Variants in ROBO1 observed in about 807,000 individuals in gnomAD.
ROBO1 encodes roundabout guidance receptor 1.
ROBO1 carries 149 observed loss-of-function variants against 195.9 expected under a neutral mutation model. The ratio of observed to expected loss-of-function variants is 0.76; its 90% confidence interval spans 0.67 to 0.87. The LOEUF (loss-of-function observed/expected upper bound fraction) is 0.87, where lower values mean the gene tolerates loss of function less well. ROBO1 is among the 40% of genes least tolerant of loss of function. The pLI, the probability that ROBO1 is intolerant of heterozygous loss-of-function variation, is 0.00. For missense variants in ROBO1, 1,933 were observed against 2,068.3 expected (o/e 0.93, Z 1.27); for synonymous variants, 816 against 733.2 (o/e 1.11, Z -1.82).
intron 2 of ROBO1, among the ~76,000 whole-genome samples, chr3:79,495,019 A>G (rs1458380046): frequency 7.1e-6 from 1 of 141,608 alleles, no homozygotes; most frequent in Non-Finnish European, 1.6e-5. Flanking sequence ...ATTGACAGAT[A>G]GGTAGATAGA....
chr3:79,434,895 G>A (rs2038826521), intron 2 of ROBO1, among the ~76,000 whole-genome samples: 1 of 152,114 alleles, frequency 6.6e-6, no homozygotes, highest in Non-Finnish European at 1.5e-5. Flanking sequence ...AAAAAATGAT[G>A]AGTTCATATC....
At chr3:79,655,643 C>T (rs1021310533) in intron 1 of ROBO1, among the ~76,000 whole-genome samples, 2 of 151,954 alleles carry the variant, frequency 1.3e-5, no homozygotes, top group East Asian at 3.9e-4. Context: ...CTTTCATTGC[C>T]ATTAATTAAT....
chr3:78,919,814 G>A (rs2038837083), intron 4 of ROBO1, among the ~76,000 whole-genome samples: 1 of 152,178 alleles, frequency 6.6e-6, no homozygotes, highest in African/African-American at 2.4e-5. Flanking sequence ...CCTCCTTTTA[G>A]CCCATCTCAA....
chr3:78,742,841 C>A (rs2082565197), intron 5 of ROBO1, among the ~76,000 whole-genome samples: 2 of 152,150 alleles, frequency 1.3e-5, no homozygotes, highest in South Asian at 4.1e-4. Context: ...TGACTAGAAG[C>A]TACTGATGGC....
At chr3:79,405,731 T>G (rs1268628985) in intron 2 of ROBO1, among the ~76,000 whole-genome samples, 5 of 152,222 alleles carry the variant, frequency 3.3e-5, no homozygotes, top group Non-Finnish European at 7.3e-5. Flanking sequence ...TATACTATTT[T>G]AACTTAGTGG....
chr3:78,992,772 T>C (rs1036792393), intron 3 of ROBO1, among the ~76,000 whole-genome samples: 6 of 152,122 alleles, frequency 3.9e-5, no homozygotes, highest in African/African-American at 1.4e-4. Flanking sequence ...CACAATATTA[T>C]CACACATTGT....
At chr3:78,607,607 C>T (rs535510443) in intron 28 of ROBO1, among the ~76,000 whole-genome samples, 6 of 152,272 alleles carry the variant, frequency 3.9e-5, no homozygotes, top group East Asian at 1.9e-4. Flanking sequence ...GGATAGCTAA[C>T]GCTGGGTATT....
chr3:79,756,889 T>C (rs1185759530), intron 1 of ROBO1, among the ~76,000 whole-genome samples: 1 of 152,218 alleles, frequency 6.6e-6, no homozygotes, highest in East Asian at 1.9e-4. Flanking sequence ...AGGTACCTCA[T>C]ATAAGTGGAA....
intron 10 of ROBO1, among the ~76,000 whole-genome samples, chr3:78,673,444 T>A (rs935604499): frequency 2.1e-5 from 3 of 144,794 alleles, no homozygotes; most frequent in Non-Finnish European, 3.0e-5. Context: ...ATATATATAT[T>A]ACAGCAAGGT....
intron 10 of ROBO1, among the ~76,000 whole-genome samples, chr3:78,675,186 G>A (rs1708328831): frequency 6.6e-6 from 1 of 151,312 alleles, no homozygotes; most frequent in African/African-American, 2.4e-5. Context: ...TCAGCTGGCA[G>A]CCAAGATGGC....
At chr3:79,084,864 C>A (rs2079339518) in intron 3 of ROBO1, among the ~76,000 whole-genome samples, 1 of 151,960 alleles carries the variant, frequency 6.6e-6, no homozygotes, top group Admixed American at 6.6e-5. Context: ...TGTAAAAAAT[C>A]TGAAATCTTG....
At chr3:79,551,881 C>G (rs1942525194) in intron 2 of ROBO1, among the ~76,000 whole-genome samples, 1 of 147,462 alleles carries the variant, frequency 6.8e-6, no homozygotes, top group Admixed American at 7.0e-5. Context: ...TGAGCATGGT[C>G]AGGAATTAAA....
intron 1 of ROBO1, among the ~76,000 whole-genome samples, chr3:79,752,518 A>G (rs11127663): frequency 0.37 from 56,289 of 151,870 alleles, 10,814 homozygotes; most frequent in East Asian, 0.44. Context: ...GGGTGTTTCA[A>G]TCAAGTGAAA....
At chr3:79,476,251 C>T (rs893703434) in intron 2 of ROBO1, among the ~76,000 whole-genome samples, 1 of 151,958 alleles carries the variant, frequency 6.6e-6, no homozygotes, top group African/African-American at 2.4e-5. Context: ...GATGTTGGCA[C>T]GGGTATGGTG....
intron 18 of ROBO1, among the ~76,000 whole-genome samples, chr3:78,656,502 C>T (rs1707030063): frequency 6.6e-6 from 1 of 151,982 alleles, no homozygotes; most frequent in South Asian, 2.1e-4. Context: ...AGGCGCCCGC[C>T]ACCACACCCA....
chr3:79,467,833 G>A (rs1390483762), intron 2 of ROBO1, among the ~76,000 whole-genome samples: 1 of 152,184 alleles, frequency 6.6e-6, no homozygotes, highest in Non-Finnish European at 1.5e-5. Flanking sequence ...TGGGGCTAGA[G>A]CCTGAAAGCA....
intron 4 of ROBO1, among the ~76,000 whole-genome samples, chr3:78,782,176 T>A (rs1019447280): frequency 4.6e-5 from 7 of 152,110 alleles, no homozygotes; most frequent in African/African-American, 1.7e-4. Context: ...AATAACCTAT[T>A]AAAATTAAGT....
At chr3:79,727,056 A>G (rs191688749) in intron 1 of ROBO1, among the ~76,000 whole-genome samples, 1 of 152,218 alleles carries the variant, frequency 6.6e-6, no homozygotes, top group East Asian at 1.9e-4. Context: ...CATGGGTAAC[A>G]TCCGTGTCTA....
intron 3 of ROBO1, among the ~76,000 whole-genome samples, chr3:78,946,260 G>A (rs1332238562): frequency 6.6e-6 from 1 of 152,108 alleles, no homozygotes; most frequent in Non-Finnish European, 1.5e-5. Context: ...AAATGTTAAG[G>A]GCAGCCAGGG....
Sources: allele counts gnomAD v4.1 joint callset (sites outside exome capture counted in the v4.1 genomes callset), GRCh38; gene constraint gnomAD v4.1.1; transcripts MANE v1.5; gene names NCBI Gene and HGNC (gene_info 2026-07-23, HGNC 2026-07-21).